Variants in HSD17B14 observed in about 807,000 individuals in gnomAD.
The protein encoded by HSD17B14 is L-fucose dehydrogenase.
In HSD17B14, 32 loss-of-function variants were observed where a neutral mutation model predicts 32.2. That is an observed-to-expected ratio of 0.99 (90% CI 0.75 to 1.33). HSD17B14 has a LOEUF of 1.33. Ranked by LOEUF, HSD17B14 falls within the 40% of genes most tolerant of loss-of-function variation. The probability of loss-of-function intolerance (pLI) is 0.00; values close to 1 mark genes in which losing one functional copy is unlikely to be tolerated. For missense variants in HSD17B14, 370 were observed against 366.5 expected (o/e 1.01, Z -0.08); for synonymous variants, 140 against 155.4 (o/e 0.90, Z 0.74).
At chr19:48,834,241 G>A (rs2035405974) in intron 3 of HSD17B14, 35 bp downstream of exon 3, 1 of 1,535,248 alleles carries the variant, frequency 6.5e-7, no homozygotes, top group Non-Finnish European at 9.0e-7. Context: ...CTGGTCATTA[G>A]CGGAGATGGG....
At chr19:48,820,730 C>T (rs1372069896) in intron 5 of HSD17B14, among the ~76,000 whole-genome samples, 1 of 151,410 alleles carries the variant, frequency 6.6e-6, no homozygotes, top group Admixed American at 6.6e-5. Context: ...CGGCCGGGCG[C>T]AGTGGCTCAC....
intron 5 of HSD17B14, among the ~76,000 whole-genome samples, chr19:48,828,899 A>C (rs112619589): frequency 2.0e-5 from 3 of 151,924 alleles, no homozygotes; most frequent in African/African-American, 7.2e-5. Flanking sequence ...GTCTCTACTA[A>C]AAATACAAAA....
At chr19:48,829,197 A>G (rs932116634) in intron 5 of HSD17B14, among the ~76,000 whole-genome samples, 26 of 151,752 alleles carry the variant, frequency 1.7e-4, no homozygotes, top group African/African-American at 6.1e-4. Context: ...CTCTCCCCCA[A>G]TTCTTGTTTA....
In HSD17B14 at chr19:48,816,779, T is replaced by TTTTCTTTCTTTCTCTCTTTC. The variant is rs2035058224; in HGVS notation, c.370-1639_370-1638insGAAAGAGAGAAAGAAAGAAA. Among the ~76,000 whole-genome samples, 7 of 122,284 alleles carry TTTTCTTTCTTTCTCTCTTTC rather than the reference T, an allele frequency of 5.7e-5. No homozygotes were observed. The South Asian group carries it at 1.9e-3, about 33-fold the overall frequency. 80.2% of individuals were successfully genotyped at this position (122,284 alleles called of 152,430 possible). ...AGCATGGGCAGCTTAGCAAGACCCT[T>TTTTCTTTCTTTCTCTCTTTC]TTTCTTTCTTTCTTTCTTTCTTTCT... On this transcript the variant is annotated intron_variant, in intron 5 of 8. Coordinates refer to ENST00000263278, the MANE Select transcript of HSD17B14 (RefSeq NM_016246.3).
chr19:48,821,026 T>C (rs2035138857), intron 5 of HSD17B14, among the ~76,000 whole-genome samples: 1 of 149,208 alleles, frequency 6.7e-6, no homozygotes, highest in Non-Finnish European at 1.5e-5. Flanking sequence ...TTTTTTTTTT[T>C]TTTTTTGACA....
intron 5 of HSD17B14, 63 bp downstream of exon 5, chr19:48,831,605 G>T: frequency 1.8e-6 from 2 of 1,090,064 alleles, no homozygotes; most frequent in South Asian, 1.2e-5. Flanking sequence ...TAGACAAAAT[G>T]CATCACACAA....
Position 48,828,100 on chromosome 19 carries a change from G to A in HSD17B14, c.369+3568C>T, listed in dbSNP as rs148089337. The stretch of plus-strand genomic sequence containing the variant: ...CGATCTCCTGACCTCGTGATCCGCC[G>A]GCCTCGGCCTCCCAAAGTGCTGGGA... On this transcript the variant is annotated intron_variant, in intron 5 of 8. Coordinates refer to ENST00000263278, the MANE Select transcript of HSD17B14 (RefSeq NM_016246.3). 2.5e-4 allele frequency among the ~76,000 whole-genome samples: 38 copies of A among 151,298 alleles called. No individual in the cohort carries two copies. In the East Asian group the frequency reaches 7.1e-3, roughly 28 times the overall value.
intron 5 of HSD17B14, among the ~76,000 whole-genome samples, chr19:48,820,729 G>A (rs1421269603): frequency 2.6e-5 from 4 of 151,418 alleles, no homozygotes; most frequent in East Asian, 2.0e-4. Flanking sequence ...TCGGCCGGGC[G>A]CAGTGGCTCA....
intron 5 of HSD17B14, among the ~76,000 whole-genome samples, chr19:48,822,373 G>GTC (rs2035171850): frequency 6.6e-6 from 1 of 151,340 alleles, no homozygotes; most frequent in African/African-American, 2.4e-5. Context: ...TGGTGATGCT[G>GTC]ATGTTGTTGA....
At chr19:48,823,762 C>G (rs953143279) in intron 5 of HSD17B14, among the ~76,000 whole-genome samples, 5 of 150,632 alleles carry the variant, frequency 3.3e-5, no homozygotes, top group African/African-American at 1.2e-4. Flanking sequence ...CTCAGCCTCC[C>G]GAGTAGCTGG....
chr19:48,823,280 C>T (rs1208291914), intron 5 of HSD17B14, among the ~76,000 whole-genome samples: 1 of 152,032 alleles, frequency 6.6e-6, no homozygotes, highest in Non-Finnish European at 1.5e-5. Context: ...CGTGGTGGTG[C>T]ATGTCTGTTG....
At chr19:48,821,169 C>A (rs146194001) in intron 5 of HSD17B14, among the ~76,000 whole-genome samples, 1 of 152,126 alleles carries the variant, frequency 6.6e-6, no homozygotes, top group African/African-American at 2.4e-5. Flanking sequence ...CCCGCTACCA[C>A]GCCCAGCTAA....
At chr19:48,835,586 G>A (rs1269691988) in intron 2 of HSD17B14, among the ~76,000 whole-genome samples, 64 of 143,752 alleles carry the variant, frequency 4.5e-4, no homozygotes, top group South Asian at 1.1e-3. Context: ...TGAGGGAGGA[G>A]GGGCTGGGGA....
chr19:48,835,445 C>CG (rs1568526967), intron 2 of HSD17B14, among the ~76,000 whole-genome samples: 18 of 75,990 alleles, frequency 2.4e-4, no homozygotes, highest in Non-Finnish European at 1.8e-4. Context: ...GAGGAGGTGC[C>CG]AGAGCCTGGA....
At chr19:48,835,952 A>G (rs2035503478) in intron 1 of HSD17B14, 109 bp from the exon 2 acceptor site, 1 of 948,906 alleles carries the variant, frequency 1.1e-6, no homozygotes, top group Admixed American at 2.0e-5. Flanking sequence ...TCGTGACCCC[A>G]GTCTCATGAT....
intron 5 of HSD17B14, among the ~76,000 whole-genome samples, chr19:48,816,686 A>G (rs1005690776): frequency 6.6e-6 from 1 of 152,124 alleles, no homozygotes; most frequent in African/African-American, 2.4e-5. Context: ...TCACTAGCTC[A>G]CACCTGTAAT....
intron 4 of HSD17B14, among the ~76,000 whole-genome samples, chr19:48,832,057 G>A (rs531841847): frequency 3.7e-5 from 5 of 136,420 alleles, no homozygotes; most frequent in Non-Finnish European, 7.6e-5. Flanking sequence ...CAGCCTGGGC[G>A]ACAGAGTGAG....
Position 48,834,242 on chromosome 19 carries a change from C to T in HSD17B14, c.210+34G>A, listed in dbSNP as rs79148742. 742 of 1,545,362 alleles carry T rather than the reference C, an allele frequency of 4.8e-4. 4 individuals are homozygous for T. In the African/African-American group the frequency reaches 7.7e-3, roughly 16 times the overall value. ...AGGAGAACAAAGAACTGGTCATTAG[C>T]GGAGATGGGGGTAGGAACAGGAACT... is the stretch of plus-strand genomic sequence containing the variant. On this transcript the variant is annotated intron_variant, in intron 3 of 8. Transcript: ENST00000263278.
In HSD17B14 at chr19:48,825,884, G is replaced by A. The variant is rs1021746773; in HGVS notation, c.369+5784C>T. The stretch of plus-strand genomic sequence containing the variant: ...CACCCAGGCTGGAGTGCAGTGGCGC[G>A]ATCTCGGCTCACTGCAAGCTCCGCC... On this transcript the variant is annotated intron_variant, in intron 5 of 8. Coordinates refer to ENST00000263278, the MANE Select transcript of HSD17B14 (RefSeq NM_016246.3). 1.1e-4 allele frequency among the ~76,000 whole-genome samples: 17 copies of A among 151,620 alleles called. No individual in the cohort carries two copies. The South Asian group carries it at 1.3e-3, about 11-fold the overall frequency.
Sources: allele counts gnomAD v4.1 joint callset (sites outside exome capture counted in the v4.1 genomes callset), GRCh38; gene constraint gnomAD v4.1.1; transcripts MANE v1.5; gene names NCBI Gene and HGNC (gene_info 2026-07-23, HGNC 2026-07-21).